Variants in SVIL observed in about 807,000 individuals in gnomAD.
SVIL encodes the protein supervillin.
A neutral mutation model predicts 240.4 loss-of-function variants in SVIL; 101 were observed. The ratio of observed to expected loss-of-function variants is 0.42; its 90% CI spans 0.36 to 0.50. The LOEUF (loss-of-function observed/expected upper bound fraction) is 0.50, where lower values mean the gene tolerates loss of function less well. Ranked by LOEUF, SVIL falls within the 20% of genes least tolerant of loss-of-function variation. The pLI is 0.01. For missense variants in SVIL, 2,512 were observed against 2,818.7 expected, an observed-to-expected ratio of 0.89 and a Z score of 2.46; for synonymous variants, 999 against 1,100.0, an observed-to-expected ratio of 0.91 and a Z score of 1.82.
chr10:29,527,422 T>C (rs1251904109), intron 12 of SVIL, among the ~76,000 whole-genome samples: 1 of 152,052 alleles, frequency 6.6e-6, no homozygotes, highest in Non-Finnish European at 1.5e-5. Flanking sequence ...CCAATCTAAT[T>C]TTTTTCTTTC....
intron 6 of SVIL, among the ~76,000 whole-genome samples, chr10:29,546,422 T>A (rs577144039): frequency 6.6e-6 from 1 of 152,240 alleles, no homozygotes; most frequent in East Asian, 1.9e-4. Context: ...TCTAACAGGA[T>A]TTCTGAGTTA....
At position 29,527,052 on chromosome 10, in the gene SVIL, G is replaced by C; in HGVS notation, c.2251C>G (p.Pro751Ala). ...CCCCCAGAACACGAAGCGGGGATAG[G>C]TTCACTTTAAAAGCAATTGCCAAAG... ...TEEVVIAATE[P>A]IPASCSGGTH... Residue 751 changes from proline (P) to alanine (A), a missense_variant, in exon 13 of 38, where the codon CCT becomes GCT. By Grantham distance (27) the Pro-to-Ala change is conservative (BLOSUM62 -1). Coordinates refer to ENST00000355867, the MANE Select transcript of SVIL (RefSeq NM_021738.3). 1.2e-6 allele frequency: 2 copies of C among 1,613,734 alleles called. No homozygotes were observed. The highest frequency in any genetic ancestry group is 1.7e-6 in the Non-Finnish European group (2 of 1,179,836).
chr10:29,528,027 C>G (rs550079110), intron 12 of SVIL, among the ~76,000 whole-genome samples: 19 of 152,236 alleles, frequency 1.2e-4, no homozygotes, highest in African/African-American at 4.6e-4. Flanking sequence ...CTGCACCCGG[C>G]CTCAATCTAC....
intron 1 of SVIL, among the ~76,000 whole-genome samples, chr10:29,691,666 T>C (rs1451211586): frequency 6.6e-6 from 1 of 152,180 alleles, no homozygotes; most frequent in Admixed American, 6.5e-5. Flanking sequence ...AATTTGCTTA[T>C]CTCTCAAATG....
chr10:29,480,425 C>T (rs1388233366), intron 29 of SVIL, 112 bp downstream of exon 29: 9 of 1,348,532 alleles, frequency 6.7e-6, no homozygotes, highest in Middle Eastern at 2.7e-4. Flanking sequence ...CTGCAGTGCC[C>T]CACTGCACGG....
At chr10:29,504,082 T>A (rs1949094391) in intron 17 of SVIL, among the ~76,000 whole-genome samples, 1 of 152,048 alleles carries the variant, frequency 6.6e-6, no homozygotes, top group Non-Finnish European at 1.5e-5. Flanking sequence ...AGCAAAAACA[T>A]TAGAATGAAG....
At chr10:29,527,644 C>T (rs1235010817) in intron 12 of SVIL, among the ~76,000 whole-genome samples, 1 of 149,814 alleles carries the variant, frequency 6.7e-6, no homozygotes, top group Admixed American at 6.7e-5. Flanking sequence ...CCAGGATGGT[C>T]TTGATCTCTT....
intron 1 of SVIL, among the ~76,000 whole-genome samples, chr10:29,733,027 A>C (rs1305326307): frequency 6.6e-6 from 1 of 152,164 alleles, no homozygotes; most frequent in Non-Finnish European, 1.5e-5. Context: ...GACTGGACCA[A>C]GTTTTCCATC....
intron 2 of SVIL, among the ~76,000 whole-genome samples, chr10:29,665,721 G>A (rs1024415205): frequency 2.0e-5 from 3 of 152,050 alleles, no homozygotes; most frequent in Non-Finnish European, 4.4e-5. Flanking sequence ...GTGAACCCAG[G>A]GGGCGGAGCT....
At chr10:29,703,810 T>G (rs912205571) in intron 1 of SVIL, among the ~76,000 whole-genome samples, 12 of 152,166 alleles carry the variant, frequency 7.9e-5, no homozygotes, top group Admixed American at 1.3e-4. Flanking sequence ...CTTGTTTTTT[T>G]GGGGGAAGGA....
intron 1 of SVIL, among the ~76,000 whole-genome samples, chr10:29,600,484 C>T (rs1184466000): frequency 1.3e-5 from 2 of 152,164 alleles, no homozygotes; most frequent in East Asian, 3.9e-4. Flanking sequence ...AATCAGCGTG[C>T]AGCCCAGGCC....
At chr10:29,681,392 T>G (rs995406533) in intron 2 of SVIL, among the ~76,000 whole-genome samples, 18 of 146,808 alleles carry the variant, frequency 1.2e-4, no homozygotes, top group Non-Finnish European at 1.6e-4. Flanking sequence ...CATGATGACC[T>G]CTAAAGATGG....
intron 3 of SVIL, among the ~76,000 whole-genome samples, chr10:29,645,019 A>G (rs187334935): frequency 6.6e-5 from 10 of 152,212 alleles, no homozygotes; most frequent in African/African-American, 2.2e-4. Flanking sequence ...TCAAGAAAAG[A>G]AAATAACAGA....
At chr10:29,661,184 AG>A (rs1309126024) in intron 2 of SVIL, among the ~76,000 whole-genome samples, 14 of 151,748 alleles carry the variant, frequency 9.2e-5, no homozygotes, top group Admixed American at 7.2e-4. Flanking sequence ...AAAAAAAAAA[AG>A]CCTGTGCCTG....
chr10:29,730,498 A>T (rs916721209), intron 1 of SVIL, among the ~76,000 whole-genome samples: 1 of 152,232 alleles, frequency 6.6e-6, no homozygotes, highest in Non-Finnish European at 1.5e-5. Flanking sequence ...CTGGGTCACC[A>T]GCCCTAAGAA....
At chr10:29,581,140 C>CA (rs1955928798) in intron 1 of SVIL, among the ~76,000 whole-genome samples, 1 of 152,218 alleles carries the variant, frequency 6.6e-6, no homozygotes, top group Non-Finnish European at 1.5e-5. Context: ...AACATATTTT[C>CA]ATAGCCCAGT....
At chr10:29,704,463 C>A (rs1268722362) in intron 1 of SVIL, among the ~76,000 whole-genome samples, 1 of 152,064 alleles carries the variant, frequency 6.6e-6, no homozygotes, top group Admixed American at 6.5e-5. Flanking sequence ...GCTCTCACTA[C>A]ATTGCCCAGG....
At chr10:29,624,865 T>C (rs1382979265) in intron 1 of SVIL, among the ~76,000 whole-genome samples, 2 of 152,218 alleles carry the variant, frequency 1.3e-5, no homozygotes, top group African/African-American at 4.8e-5. Context: ...CTGAATAAAT[T>C]GTAATTTACT....
chr10:29,562,769 GA>G (rs34507610), intron 3 of SVIL, among the ~76,000 whole-genome samples: 61,438 of 116,762 alleles, frequency 0.53, 14,624 homozygotes, highest in East Asian at 0.61. Flanking sequence ...TCAAAAAAAA[GA>G]AAAAAAAAAA....
Sources: gnomAD v4.1 joint callset for allele counts (sites outside exome capture counted in the v4.1 genomes callset) on GRCh38, gnomAD v4.1.1 for gene constraint, MANE v1.5 for transcripts, NCBI Gene and HGNC (gene_info 2026-07-23, HGNC 2026-07-21) for gene names.